The following MOV10 variants were observed in gnomAD, a reference collection of about 807,000 sequenced individuals.
The protein encoded by MOV10 is Mov10 RNA helicase.
MOV10 carries 39 observed loss-of-function variants against 108.4 expected under a neutral mutation model. The ratio of observed to expected loss-of-function variants is 0.36; its 90% CI spans 0.28 to 0.47. The LOEUF (loss-of-function observed/expected upper bound fraction) is 0.47. Among genes scored for constraint, MOV10 ranks in the 20% least tolerant of loss-of-function variants. The probability of loss-of-function intolerance (pLI) is 1.00; values close to 1 mark genes in which losing one functional copy is unlikely to be tolerated. For synonymous variants in MOV10, 490 were observed against 523.1 expected (o/e 0.94, Z 0.86); for missense variants, 952 against 1,297.6 (o/e 0.73, Z 4.09).
In MOV10 at chr1:112,691,674, C is replaced by G; in HGVS notation, c.846C>G (p.Gly282=). ...EEGERPDRAK[G]YDLELSMALG... ...TCCCTCGATTCTGCAGCGCTAAGGG[C>G]TATGACCTGGAGTTAAGTATGGCGC... Residue 282 remains glycine, a synonymous_variant, in exon 6 of 21, where the codon GGC becomes GGG. Transcript: ENST00000369645. The G allele has an allele frequency of 6.2e-7, 1 of 1,614,088 alleles. No homozygotes were observed. Among genetic ancestry groups the G allele is most frequent in the South Asian group, 1.1e-5 (1 of 91,066 alleles).
Position 112,690,072 on chromosome 1 carries a change from G to C in MOV10, c.810G>C (p.Arg270=), listed in dbSNP as rs1161406376. 1.2e-6 allele frequency: 2 copies of C among 1,613,834 alleles called. No individual in the cohort carries two copies. The highest frequency in any genetic ancestry group is 1.3e-5 in the African/African-American group (1 of 74,928). The change falls in exon 5 of 21, where the codon CGG becomes CGC. Residue 270 remains arginine, a synonymous_variant. Transcript: ENST00000369645. ...RITGNPVVTN[R]IEEGERPDRA... ...CCGGAAACCCTGTGGTGACCAATCG[G>C]ATAGAGGAAGGAGAGAGACCTGACC... is the stretch of plus-strand genomic sequence containing the variant.
chr1:112,686,500 C>T (rs1570770553), intron 2 of MOV10, among the ~76,000 whole-genome samples: 1 of 152,158 alleles, frequency 6.6e-6, no homozygotes, highest in Non-Finnish European at 1.5e-5. Flanking sequence ...CTAGTAGCTG[C>T]TCTCAACTAC....
Position 112,692,904 on chromosome 1 carries a change from A to G in MOV10, c.1115A>G (p.Gln372Arg). The stretch of plus-strand genomic sequence containing the variant: ...CCCATGACCTGGGACCCTGTGGACC[A>G]GAACCCCAGGCTGCTCACGCTGGAG... Reference protein sequence around the residue: ...SVPMTWDPVDQNPRLLTLEVP... With the variant: ...SVPMTWDPVDRNPRLLTLEVP... Residue 372 changes from glutamine (Q) to arginine (R), a missense_variant, in exon 7 of 21, where the codon CAG (glutamine) becomes CGG (arginine). This residue lies in a region of MOV10 where 18 missense variants were observed against 56.7 expected (regional missense o/e 0.32). Transcript: ENST00000369645. 1 of 1,612,396 alleles carries G rather than the reference A, an allele frequency of 6.2e-7. No individual in the cohort carries two copies. The highest frequency in any genetic ancestry group is 8.5e-7 in the Non-Finnish European group (1 of 1,179,390).
In MOV10 at chr1:112,696,547, G is replaced by T. The variant is rs369673633; in HGVS notation, c.1981+13G>T. The T allele has an allele frequency of 6.2e-5, 100 of 1,612,770 alleles. No homozygotes were observed. Among genetic ancestry groups the T allele is most frequent in the Non-Finnish European group, 8.2e-5 (97 of 1,178,868 alleles). On this transcript the variant is annotated intron_variant, in intron 13 of 20. Coordinates refer to ENST00000369645, the MANE Select transcript of MOV10 (RefSeq NM_001321324.2). ...GTAGCTATAGCAGGTGAGGGACTCAGGTGGGGCTGCAGGTATACACCCTGT... is the reference window on the plus strand; with the variant it reads ...GTAGCTATAGCAGGTGAGGGACTCATGTGGGGCTGCAGGTATACACCCTGT...
chr1:112,698,239 T>A (rs761175068), intron 15 of MOV10, 48 bp from the exon 16 acceptor site: 89 of 1,602,924 alleles, frequency 5.6e-5, no homozygotes, highest in Non-Finnish European at 7.4e-5. Context: ...AGGGAGGGAA[T>A]AGAGGGAGGG....
chr1:112,686,534 A>T (rs1353937261), intron 2 of MOV10, among the ~76,000 whole-genome samples: 2 of 151,980 alleles, frequency 1.3e-5, no homozygotes, highest in African/African-American at 4.8e-5. Flanking sequence ...GGAGATTCCT[A>T]CACTTCCTTG....
At chr1:112,698,903 C>T in intron 17 of MOV10, 114 bp downstream of exon 17, 1 of 880,258 alleles carries the variant, frequency 1.1e-6, no homozygotes, top group South Asian at 1.4e-5. Flanking sequence ...CCCCTGCTGC[C>T]TTGAATAGAG....
Position 112,694,290 on chromosome 1 carries a change from C to T in MOV10, c.1295+118C>T. On this transcript the variant is annotated intron_variant, in intron 8 of 20. Transcript: ENST00000369645. This position sits in a 1 kb window ranked among gnomAD's most constrained non-coding sequence, Gnocchi z 4.1. ...CCCGGGGCAGAGCAGGAGACTTTTC[C>T]TCAGGGGTACCCTGAGATGCTACGG... The T allele has an allele frequency of 6.9e-7, 1 of 1,447,084 alleles. No individual in the cohort carries two copies. The highest frequency in any genetic ancestry group is 9.6e-7 in the Non-Finnish European group (1 of 1,045,586). The allele number at this position is 1,447,084 out of a possible 1,614,324, so 89.6% of individuals were successfully genotyped here. A position where few individuals can be genotyped will look rare whatever the true frequency, so the allele number is the denominator to read the frequency against.
In MOV10 at chr1:112,700,525, T is replaced by G. The variant is rs768085820; in HGVS notation, c.*18T>G. On this transcript the variant is annotated 3_prime_UTR_variant, in exon 21 of 21. Coordinates refer to ENST00000369645, the MANE Select transcript of MOV10 (RefSeq NM_001321324.2). ...AGCTCTGAAGACACAGCACCCAGCCTTCTCGCACCAGCCAAGCCTTAACTG... is the reference window on the plus strand; with the variant it reads ...AGCTCTGAAGACACAGCACCCAGCCGTCTCGCACCAGCCAAGCCTTAACTG... 5.6e-6 allele frequency: 9 copies of G among 1,610,854 alleles called. No homozygotes were observed. The Admixed American group carries it at 1.5e-4, about 27-fold the overall frequency.
At chr1:112,697,275 GC>G (rs1210963137) in intron 14 of MOV10, among the ~76,000 whole-genome samples, 1 of 152,138 alleles carries the variant, frequency 6.6e-6, no homozygotes, top group Non-Finnish European at 1.5e-5. Flanking sequence ...TTTGAGACCA[GC>G]CTGTCCAACA....
At chr1:112,700,016 G>T in intron 19 of MOV10, 34 bp downstream of exon 19, 1 of 1,612,608 alleles carries the variant, frequency 6.2e-7, no homozygotes, top group Non-Finnish European at 8.5e-7. Context: ...CCTCTTAGTG[G>T]CCACAGCCCC....
At chr1:112,691,246 T>C (rs868023064) in intron 5 of MOV10, among the ~76,000 whole-genome samples, 3 of 152,184 alleles carry the variant, frequency 2.0e-5, no homozygotes, top group Non-Finnish European at 4.4e-5. Context: ...GATTGCGCCA[T>C]TGCACTTCAG....
At chr1:112,700,193 T>C (rs773135996) in intron 19 of MOV10, 26 bp from the exon 20 acceptor site, 1 of 1,613,832 alleles carries the variant, frequency 6.2e-7, no homozygotes, top group Admixed American at 1.7e-5. Flanking sequence ...CTCCAGTCTC[T>C]GCTGGCACTC....
Position 112,682,043 on chromosome 1 carries a change from G to A in MOV10, c.138-6892G>A, listed in dbSNP as rs548102137. Among the ~76,000 whole-genome samples the A allele has an allele frequency of 5.3e-5, 8 of 152,098 alleles. 1 individual carries two copies. In the South Asian group the frequency reaches 1.7e-3, roughly 32 times the overall value. On this transcript the variant is annotated intron_variant, in intron 2 of 20. Transcript: ENST00000369645. ...CCCAAGTAGCTGGGACTACAGGCATGCGCCACCATGCCCAGCTAATTTTTT... is the reference window on the plus strand; with the variant it reads ...CCCAAGTAGCTGGGACTACAGGCATACGCCACCATGCCCAGCTAATTTTTT...
At chr1:112,688,283 G>A (rs1673254033) in intron 2 of MOV10, 1 of 920,260 alleles carries the variant, frequency 1.1e-6, no homozygotes, top group East Asian at 1.2e-4. Context: ...GAGCCTTGAG[G>A]TTATTGTCCT....
At chr1:112,696,034 C>T (rs764995359) in intron 11 of MOV10, 114 bp from the exon 12 acceptor site, 9 of 750,244 alleles carry the variant, frequency 1.2e-5, no homozygotes, top group South Asian at 1.7e-5. Context: ...AGCGAGACTC[C>T]GTCTCAATTA....
intron 10 of MOV10, 64 bp from the exon 11 acceptor site, chr1:112,695,352 C>T: frequency 1.3e-6 from 2 of 1,560,176 alleles, no homozygotes; most frequent in Non-Finnish European, 1.7e-6. Context: ...CTTGCCCTGC[C>T]CCAGCCTGGG....
Position 112,675,615 on chromosome 1 carries a change from G to A in MOV10, c.137+566G>A, listed in dbSNP as rs919039382. On this transcript the variant is annotated intron_variant, in intron 2 of 20. Coordinates refer to ENST00000369645, the MANE Select transcript of MOV10 (RefSeq NM_001321324.2). This position sits in a 1 kb window ranked among gnomAD's most constrained non-coding sequence, Gnocchi z 4.7. ...GAAGAAAAGGGCACAAACTACGTGC[G>A]TACCAAACCTCCATTAGCACCTGTG... 2.0e-5 allele frequency among the ~76,000 whole-genome samples: 3 copies of A among 152,212 alleles called. No homozygotes were observed. Among genetic ancestry groups the A allele is most frequent in the Non-Finnish European group, 2.9e-5 (2 of 68,030 alleles).
In MOV10 at chr1:112,677,213, A is replaced by T. The variant is rs536089984; in HGVS notation, c.137+2164A>T. 1.1e-4 allele frequency among the ~76,000 whole-genome samples: 17 copies of T among 152,306 alleles called. No homozygotes were observed. The South Asian group carries it at 3.5e-3, about 32-fold the overall frequency. ...CTGAGACCCAGTGAAAGAAACTCAG[A>T]AATATTTGCCTCAAAAATAGAAAAA... On this transcript the variant is annotated intron_variant, in intron 2 of 20. Coordinates refer to ENST00000369645, the MANE Select transcript of MOV10 (RefSeq NM_001321324.2).
Sources: gnomAD v4.1 joint callset for allele counts (sites outside exome capture counted in the v4.1 genomes callset) on GRCh38, gnomAD v4.1.1 for gene constraint, gnomAD v4.1.1 regional missense constraint, Gnocchi (gnomAD v3.1) non-coding constraint, MANE v1.5 for transcripts, NCBI Gene and HGNC (gene_info 2026-07-23, HGNC 2026-07-21) for gene names.